Variants in UBE2E2 observed in about 807,000 individuals in gnomAD.
The protein encoded by UBE2E2 is ubiquitin conjugating enzyme E2 E2.
UBE2E2 carries 6 observed loss-of-function variants against 24.7 expected under a neutral mutation model. The observed-to-expected ratio is 0.24, with a 90% confidence interval of 0.13 to 0.48. The LOEUF (loss-of-function observed/expected upper bound fraction) is 0.48, where lower values mean the gene tolerates loss of function less well. Ranked by LOEUF, UBE2E2 falls within the 20% of genes least tolerant of loss-of-function variation. The pLI is 0.99. For missense variants in UBE2E2, 169 were observed against 245.0 expected (o/e 0.69, Z 2.07); for synonymous variants, 104 against 83.6 (o/e 1.24, Z -1.33).
chr3:23,546,018 A>G (rs1247655321), intron 5 of UBE2E2, among the ~76,000 whole-genome samples: 1 of 152,174 alleles, frequency 6.6e-6, no homozygotes, highest in Non-Finnish European at 1.5e-5. Flanking sequence ...GAGGTGGGGC[A>G]GTTGGTGAGG....
At chr3:23,563,455 A>C (rs189803762) in intron 5 of UBE2E2, among the ~76,000 whole-genome samples, 1 of 151,990 alleles carries the variant, frequency 6.6e-6, no homozygotes, top group Non-Finnish European at 1.5e-5. Flanking sequence ...TAATTTCTGT[A>C]CTTTTACATT....
chr3:23,519,543 T>A (rs912290806), intron 4 of UBE2E2, among the ~76,000 whole-genome samples: 1 of 152,230 alleles, frequency 6.6e-6, no homozygotes, highest in South Asian at 2.1e-4. Flanking sequence ...ATTTAAGTTA[T>A]TCAAAGATTA....
chr3:23,360,303 T>TA (rs901519664), intron 3 of UBE2E2, among the ~76,000 whole-genome samples: 20 of 151,000 alleles, frequency 1.3e-4, no homozygotes, highest in South Asian at 2.1e-4. Context: ...AAGTCAGTGT[T>TA]AAAAAAAAAG....
chr3:23,262,733 G>T (rs960930581), intron 3 of UBE2E2, among the ~76,000 whole-genome samples: 1 of 151,838 alleles, frequency 6.6e-6, no homozygotes, highest in East Asian at 1.9e-4. Flanking sequence ...TTTGTTGATT[G>T]GTTCCTTTGT....
intron 4 of UBE2E2, among the ~76,000 whole-genome samples, chr3:23,517,955 A>G (rs1214682836): frequency 6.6e-6 from 1 of 152,216 alleles, no homozygotes. Flanking sequence ...AAGCAGGAAT[A>G]AAACATTAGA....
At chr3:23,396,399 A>G (rs1697079023) in intron 3 of UBE2E2, among the ~76,000 whole-genome samples, 1 of 149,860 alleles carries the variant, frequency 6.7e-6, no homozygotes, top group Admixed American at 6.7e-5. Flanking sequence ...GTATATGTGT[A>G]TAGTATATAT....
intron 3 of UBE2E2, among the ~76,000 whole-genome samples, chr3:23,350,353 T>C (rs1007060938): frequency 4.6e-5 from 7 of 152,214 alleles, no homozygotes; most frequent in African/African-American, 1.7e-4. Context: ...AGGAACGCAG[T>C]TCCTCACCAG....
Position 23,473,781 on chromosome 3 carries a change from A to G in UBE2E2, c.228-25827A>G, listed in dbSNP as rs145058882. ...TAGTATTCTATCATATATGTGTACC[A>G]CAGTTTCTTTATCCACGCATTGATT... is the stretch of plus-strand genomic sequence containing the variant. On this transcript the variant is annotated intron_variant, in intron 3 of 5. Coordinates refer to ENST00000396703, the MANE Select transcript of UBE2E2 (RefSeq NM_152653.4). Among the ~76,000 whole-genome samples the G allele has an allele frequency of 5.2e-4, 79 of 152,206 alleles. No homozygotes were observed. In the East Asian group the frequency reaches 0.015, roughly 29 times the overall value.
chr3:23,419,704 A>G (rs1404529261), intron 3 of UBE2E2, among the ~76,000 whole-genome samples: 1 of 152,190 alleles, frequency 6.6e-6, no homozygotes, highest in African/African-American at 2.4e-5. Flanking sequence ...CCTCAAAATT[A>G]TGGCCTTTGT....
intron 3 of UBE2E2, among the ~76,000 whole-genome samples, chr3:23,471,941 T>TAAA (rs5847234): frequency 7.0e-6 from 1 of 141,972 alleles, no homozygotes; most frequent in Non-Finnish European, 1.5e-5. Flanking sequence ...AAAACATCTT[T>TAAA]AAAAAAAAAA....
chr3:23,412,746 C>G (rs1325494431), intron 3 of UBE2E2, among the ~76,000 whole-genome samples: 2 of 152,106 alleles, frequency 1.3e-5, no homozygotes, highest in African/African-American at 4.8e-5. Flanking sequence ...GGTTTAAGGA[C>G]CCCAGCATCA....
At chr3:23,327,804 G>T (rs1287975085) in intron 3 of UBE2E2, among the ~76,000 whole-genome samples, 1 of 152,142 alleles carries the variant, frequency 6.6e-6, no homozygotes, top group Admixed American at 6.5e-5. Flanking sequence ...AAACTTCTGT[G>T]CATAAATTAG....
intron 3 of UBE2E2, among the ~76,000 whole-genome samples, chr3:23,230,051 A>T (rs1040136538): frequency 3.9e-5 from 6 of 152,244 alleles, no homozygotes; most frequent in African/African-American, 1.4e-4. Context: ...ACATAACTAC[A>T]TACTACGTAA....
intron 3 of UBE2E2, among the ~76,000 whole-genome samples, chr3:23,331,618 T>C (rs1260950716): frequency 2.6e-5 from 4 of 151,944 alleles, no homozygotes; most frequent in African/African-American, 9.7e-5. Flanking sequence ...CTAATTTGTC[T>C]GGTAGAAGAG....
intron 5 of UBE2E2, among the ~76,000 whole-genome samples, chr3:23,571,850 T>C (rs1696240130): frequency 1.3e-5 from 2 of 152,008 alleles, no homozygotes; most frequent in South Asian, 4.2e-4. Context: ...GAGGGGAGGG[T>C]GTGGAGAACA....
intron 3 of UBE2E2, among the ~76,000 whole-genome samples, chr3:23,448,339 T>C (rs1698478839): frequency 6.6e-6 from 1 of 152,262 alleles, no homozygotes; most frequent in Non-Finnish European, 1.5e-5. Context: ...GGCAATGTTT[T>C]TGTTTGACCA....
chr3:23,237,441 G>T (rs1471012737), intron 3 of UBE2E2, among the ~76,000 whole-genome samples: 1 of 152,082 alleles, frequency 6.6e-6, no homozygotes, highest in Non-Finnish European at 1.5e-5. Flanking sequence ...ACCCTAGATT[G>T]CTTGGTTGTC....
In UBE2E2 at chr3:23,499,706, C is replaced by T. The variant is rs1301289358; in HGVS notation, c.326C>T (p.Thr109Ile). Reference protein sequence around the residue: ...YEGGVFFLDITFSPDYPFKPP... With the variant: ...YEGGVFFLDIIFSPDYPFKPP... ...GGAGGGGTGTTCTTTCTTGACATTA[C>T]CTTTTCACCAGACTATCCGTTTAAA... Residue 109 changes from threonine (T) to isoleucine (I), a missense_variant, in exon 4 of 6, where the codon ACC becomes ATC. Physicochemically the swap from Thr to Ile is moderately conservative, Grantham distance 89 (BLOSUM62 -1). Coordinates refer to ENST00000396703, the MANE Select transcript of UBE2E2 (RefSeq NM_152653.4). The T allele has an allele frequency of 2.5e-6, 4 of 1,613,900 alleles. No individual in the cohort carries two copies. Among genetic ancestry groups the T allele is most frequent in the Non-Finnish European group, 3.4e-6 (4 of 1,179,902 alleles).
At chr3:23,585,197 C>T (rs893975852) in intron 5 of UBE2E2, among the ~76,000 whole-genome samples, 9 of 151,304 alleles carry the variant, frequency 5.9e-5, no homozygotes, top group East Asian at 2.0e-4. Context: ...CAACATCTGC[C>T]GTCTCTACCA....
Sources: allele counts gnomAD v4.1 joint callset (sites outside exome capture counted in the v4.1 genomes callset), GRCh38; gene constraint gnomAD v4.1.1; transcripts MANE v1.5; gene names NCBI Gene and HGNC (gene_info 2026-07-23, HGNC 2026-07-21).